The following SND1 variants were observed in gnomAD, a reference collection of about 807,000 sequenced individuals.
SND1 encodes staphylococcal nuclease and tudor domain containing 1.
In SND1, 38 loss-of-function variants were observed where a neutral mutation model predicts 121.7. The observed-to-expected ratio is 0.31, with a 90% CI of 0.24 to 0.41. The LOEUF (loss-of-function observed/expected upper bound fraction) is 0.41, where lower values mean the gene tolerates loss of function less well. SND1 is among the 10% of genes least tolerant of loss of function. The pLI is 1.00. For synonymous variants in SND1, 401 were observed against 447.4 expected, an observed-to-expected ratio of 0.90 and a Z score of 1.31; for missense variants, 868 against 1,184.6, an observed-to-expected ratio of 0.73 and a Z score of 3.92.
At chr7:127,724,572 T>TCAC (rs1235009553) in intron 10 of SND1, among the ~76,000 whole-genome samples, 1 of 152,130 alleles carries the variant, frequency 6.6e-6, no homozygotes, top group East Asian at 1.9e-4. Flanking sequence ...GAGGATAAAT[T>TCAC]TCAGGGGAGT....
At chr7:128,013,141 T>C (rs1483032206) in intron 16 of SND1, among the ~76,000 whole-genome samples, 1 of 152,188 alleles carries the variant, frequency 6.6e-6, no homozygotes, top group Non-Finnish European at 1.5e-5. Context: ...AGCCCAGTCC[T>C]AAGAACAAGC....
At chr7:127,838,588 C>T (rs556999000) in intron 11 of SND1, among the ~76,000 whole-genome samples, 3 of 152,226 alleles carry the variant, frequency 2.0e-5, no homozygotes, top group African/African-American at 4.8e-5. Flanking sequence ...CTGGTAGCTG[C>T]AAAATTAATG....
chr7:128,031,035 G>C (rs1365753292), intron 16 of SND1: 1 of 152,684 alleles, frequency 6.5e-6, no homozygotes, highest in Non-Finnish European at 1.5e-5. Flanking sequence ...TGGTGGGGGC[G>C]GGGAGGGCAG....
intron 15 of SND1, among the ~76,000 whole-genome samples, chr7:127,943,447 C>T (rs904296712): frequency 3.3e-5 from 5 of 152,216 alleles, no homozygotes; most frequent in African/African-American, 9.6e-5. Flanking sequence ...ATTTATCCTA[C>T]GAACGTGGTC....
At chr7:127,766,771 C>CAAAAAAAAAAAAAAA (rs59243807) in intron 10 of SND1, among the ~76,000 whole-genome samples, 9 of 33,212 alleles carry the variant, frequency 2.7e-4, no homozygotes, top group Non-Finnish European at 4.0e-4. Flanking sequence ...GACTTTGTCT[C>CAAAAAAAAAAAAAAA]AAAAAAAAAA....
intron 4 of SND1, 28 bp downstream of exon 4, chr7:127,698,981 C>T: frequency 6.4e-7 from 1 of 1,564,996 alleles, no homozygotes; most frequent in South Asian, 1.1e-5. Flanking sequence ...CGCTGTCTCT[C>T]TGACAGCGGT....
At chr7:127,900,629 G>A (rs1372074796) in intron 13 of SND1, among the ~76,000 whole-genome samples, 4 of 152,214 alleles carry the variant, frequency 2.6e-5, no homozygotes, top group African/African-American at 4.8e-5. Flanking sequence ...AAAGAAAGCA[G>A]AGTTTTCCAG....
intron 13 of SND1, among the ~76,000 whole-genome samples, chr7:127,892,805 C>T (rs1281936359): frequency 6.6e-6 from 1 of 151,554 alleles, no homozygotes; most frequent in Non-Finnish European, 1.5e-5. Flanking sequence ...CCCCCCCTCC[C>T]CACCCCGAAT....
At chr7:128,006,833 G>A (rs1331066740) in intron 16 of SND1, among the ~76,000 whole-genome samples, 1 of 152,234 alleles carries the variant, frequency 6.6e-6, no homozygotes, top group Non-Finnish European at 1.5e-5. Context: ...TTACCTGAGT[G>A]GGCAGTTAAT....
chr7:127,842,368 G>A (rs977964257), intron 11 of SND1, among the ~76,000 whole-genome samples: 7 of 152,112 alleles, frequency 4.6e-5, no homozygotes, highest in African/African-American at 1.4e-4. Context: ...TTTGCTACAG[G>A]ATACTATGTT....
intron 15 of SND1, among the ~76,000 whole-genome samples, chr7:127,978,976 C>A (rs369105329): frequency 2.0e-5 from 3 of 152,144 alleles, no homozygotes; most frequent in East Asian, 3.9e-4. Context: ...CGTGAGCCAC[C>A]ACACCTGGCC....
intron 2 of SND1, 118 bp from the exon 3 acceptor site, chr7:127,694,710 G>T (rs1795978346): frequency 8.6e-7 from 1 of 1,162,894 alleles, no homozygotes; most frequent in South Asian, 1.5e-5. Flanking sequence ...AAGGTCCAGC[G>T]CAGGGCCAGG....
At chr7:127,767,548 C>A (rs974954831) in intron 10 of SND1, among the ~76,000 whole-genome samples, 16 of 152,342 alleles carry the variant, frequency 1.1e-4, no homozygotes, top group African/African-American at 3.1e-4. Context: ...CTATTTTCTT[C>A]CATTGGTATG....
intron 1 of SND1, among the ~76,000 whole-genome samples, chr7:127,672,004 C>T (rs1163770843): frequency 1.3e-5 from 2 of 152,182 alleles, no homozygotes; most frequent in Admixed American, 6.5e-5. Context: ...CTGCTGGGAA[C>T]GAGGACATAG....
chr7:127,695,069 G>C, intron 3 of SND1, 121 bp downstream of exon 3: 1 of 1,191,698 alleles, frequency 8.4e-7, no homozygotes, highest in East Asian at 2.4e-5. Context: ...GTTGGCTGAA[G>C]GCATAAATGC....
At chr7:127,738,561 G>A (rs1326799700) in intron 10 of SND1, among the ~76,000 whole-genome samples, 6 of 152,100 alleles carry the variant, frequency 3.9e-5, no homozygotes, top group South Asian at 4.1e-4. Flanking sequence ...TTACAGGTGT[G>A]GGCCAGTGCT....
At chr7:128,053,739 T>C (rs184794266) in intron 16 of SND1, among the ~76,000 whole-genome samples, 1,854 of 152,078 alleles carry the variant, frequency 0.012, 140 homozygotes, top group Admixed American at 0.11. Context: ...GAGCGGCACC[T>C]TTTTCCTGCT....
At chr7:127,827,656 T>C (rs889212839) in intron 11 of SND1, among the ~76,000 whole-genome samples, 1 of 152,212 alleles carries the variant, frequency 6.6e-6, no homozygotes, top group Admixed American at 6.5e-5. Context: ...ACGATGCATA[T>C]TCACAGGAAT....
chr7:127,821,612 A>ATTT (rs1798550670), intron 11 of SND1, among the ~76,000 whole-genome samples: 1 of 152,032 alleles, frequency 6.6e-6, no homozygotes, highest in South Asian at 2.1e-4. Flanking sequence ...ATTTTTTTAA[A>ATTT]TTTAGTTTTT....
Sources: allele counts gnomAD v4.1 joint callset (sites outside exome capture counted in the v4.1 genomes callset), GRCh38; gene constraint gnomAD v4.1.1; transcripts MANE v1.5; gene names NCBI Gene and HGNC (gene_info 2026-07-23, HGNC 2026-07-21).